The following GREB1L variants were observed in gnomAD, a reference collection of about 807,000 sequenced individuals.
The protein encoded by GREB1L is GREB1 like retinoic acid receptor coactivator, also known as GREB1-like protein.
A neutral mutation model predicts 200.8 loss-of-function variants in GREB1L; 17 were observed. That is an observed-to-expected ratio of 0.08 (90% CI 0.06 to 0.13). GREB1L has a LOEUF of 0.13. Among genes scored for constraint, GREB1L ranks in the 10% least tolerant of loss-of-function variants. GREB1L has a pLI of 1.00. For missense variants in GREB1L, 1,657 were observed against 2,367.7 expected, an observed-to-expected ratio of 0.70 and a Z score of 6.23; for synonymous variants, 789 against 893.0, an observed-to-expected ratio of 0.88 and a Z score of 2.08.
chr18:21,369,835 G>A (rs757314878), intron 2 of GREB1L, among the ~76,000 whole-genome samples: 123 of 151,666 alleles, frequency 8.1e-4, no homozygotes, highest in Non-Finnish European at 1.2e-3. Flanking sequence ...TGTAATCTCA[G>A]CTACTCAGGA....
At chr18:21,429,875 A>G (rs2033001852) in intron 7 of GREB1L, among the ~76,000 whole-genome samples, 1 of 152,110 alleles carries the variant, frequency 6.6e-6, no homozygotes, top group Non-Finnish European at 1.5e-5. Context: ...AATACCACAC[A>G]CTGGGTGGTT....
chr18:21,475,646 A>G (rs1442095858), intron 16 of GREB1L, among the ~76,000 whole-genome samples: 1 of 151,542 alleles, frequency 6.6e-6, no homozygotes, highest in Non-Finnish European at 1.5e-5. Context: ...GTGAGCCACC[A>G]TGCCTGGCCT....
At chr18:21,271,478 C>T (rs1355237307) in intron 1 of GREB1L, among the ~76,000 whole-genome samples, 1 of 150,668 alleles carries the variant, frequency 6.6e-6, no homozygotes, top group Non-Finnish European at 1.5e-5. Flanking sequence ...GAGACTCTGT[C>T]TCTATAAAAA....
chr18:21,487,141 GCATTCCTACCCAC>G (rs1316808506), intron 18 of GREB1L, among the ~76,000 whole-genome samples: 1 of 152,176 alleles, frequency 6.6e-6, no homozygotes, highest in African/African-American at 2.4e-5. Context: ...CCCCCTTTAA[GCATTCCTACCCAC>G]CTGTTACATC....
Position 21,508,392 on chromosome 18 carries a change from G to A in GREB1L, c.4536G>A (p.Leu1512=), listed in dbSNP as rs1212278540. The change falls in exon 27 of 33, where the codon TTG becomes TTA. Residue 1512 remains leucine, a synonymous_variant. Transcript: ENST00000424526. ...GTTTTTTTCCCTTTCAGCAGAATTT[G>A]AATGCAGTCAAGAGCCCTATTTTCA... The part of the protein sequence containing the change: ...MRLPLVSDKN[L]NAVKSPIFTP... The A allele has an allele frequency of 1.3e-6, 2 of 1,551,416 alleles. No individual in the cohort carries two copies. Among genetic ancestry groups the A allele is most frequent in the Non-Finnish European group, 1.7e-6 (2 of 1,146,886 alleles).
At chr18:21,471,935 C>T (rs909277000) in intron 15 of GREB1L, among the ~76,000 whole-genome samples, 3 of 152,218 alleles carry the variant, frequency 2.0e-5, no homozygotes, top group African/African-American at 7.2e-5. Flanking sequence ...TCCACTTTCA[C>T]AAAAAATCAC....
chr18:21,268,513 A>G (rs1304706115), intron 1 of GREB1L, among the ~76,000 whole-genome samples: 5 of 78,532 alleles, frequency 6.4e-5, no homozygotes, highest in South Asian at 4.1e-4. Context: ...ATATATATGT[A>G]TATATATATA....
chr18:21,514,175 C>G lies in GREB1L; in HGVS notation c.4901+189C>G, dbSNP rs375473754. Among the ~76,000 whole-genome samples, 20 of 152,246 alleles carry G rather than the reference C, an allele frequency of 1.3e-4. No individual in the cohort carries two copies. The East Asian group carries it at 2.9e-3, about 22-fold the overall frequency. ...ATCTTTTATTTAGACATTCAGTAGC[C>G]CATTAAATTCCTGGACCATTCTGGG... On this transcript the variant is annotated intron_variant, in intron 28 of 32. Coordinates refer to ENST00000424526, the MANE Select transcript of GREB1L (RefSeq NM_001142966.3).
intron 1 of GREB1L, among the ~76,000 whole-genome samples, chr18:21,320,368 A>G (rs536124874): frequency 6.6e-6 from 1 of 152,308 alleles, no homozygotes; most frequent in Non-Finnish European, 1.5e-5. Flanking sequence ...AATTACTGCT[A>G]AAAAACAAGA....
chr18:21,320,324 A>AAT (rs899924790), intron 1 of GREB1L, among the ~76,000 whole-genome samples: 4 of 152,148 alleles, frequency 2.6e-5, no homozygotes, highest in Non-Finnish European at 5.9e-5. Context: ...CATACACTAA[A>AAT]ATATATATAT....
chr18:21,363,661 G>A (rs868507340), intron 1 of GREB1L: 2 of 152,224 alleles, frequency 1.3e-5, no homozygotes, highest in South Asian at 4.1e-4. Flanking sequence ...GCTGGTTGAA[G>A]CAAATGGTGA....
At chr18:21,491,727 A>T (rs2036346153) in intron 19 of GREB1L, among the ~76,000 whole-genome samples, 1 of 151,288 alleles carries the variant, frequency 6.6e-6, no homozygotes, top group Admixed American at 6.6e-5. Context: ...AAAAAAAAAA[A>T]TTGTTCTGGA....
chr18:21,409,787 C>G (rs1040916035), intron 7 of GREB1L, among the ~76,000 whole-genome samples: 15 of 152,242 alleles, frequency 9.9e-5, no homozygotes, highest in African/African-American at 3.6e-4. Flanking sequence ...CCTTGGTTTC[C>G]TTTCCTCATT....
intron 7 of GREB1L, among the ~76,000 whole-genome samples, chr18:21,417,761 G>A (rs771401553): frequency 7.2e-5 from 11 of 151,976 alleles, no homozygotes; most frequent in Non-Finnish European, 8.8e-5. Flanking sequence ...GGGCCGAGGC[G>A]GGTGGATCAT....
intron 2 of GREB1L, among the ~76,000 whole-genome samples, chr18:21,373,244 C>A (rs988362956): frequency 6.6e-6 from 1 of 152,168 alleles, no homozygotes. Flanking sequence ...TATCAACCTT[C>A]TGTCTCATGG....
intron 1 of GREB1L, among the ~76,000 whole-genome samples, chr18:21,355,338 C>T (rs974410343): frequency 2.0e-5 from 3 of 152,026 alleles, no homozygotes; most frequent in African/African-American, 7.3e-5. Flanking sequence ...GGACTACAGG[C>T]ACACGCCTCC....
intron 1 of GREB1L, among the ~76,000 whole-genome samples, chr18:21,255,168 A>G (rs2037781717): frequency 6.6e-6 from 1 of 152,208 alleles, no homozygotes; most frequent in Admixed American, 6.5e-5. Flanking sequence ...ATAATTTAAT[A>G]TAAAACCTCT....
intron 27 of GREB1L, among the ~76,000 whole-genome samples, chr18:21,509,746 C>T (rs2037163798): frequency 6.6e-6 from 1 of 152,094 alleles, no homozygotes; most frequent in African/African-American, 2.4e-5. Context: ...TCTTCTGTGC[C>T]TGCCTGATCC....
chr18:21,439,817 T>TGG (rs1237305290), intron 8 of GREB1L, among the ~76,000 whole-genome samples, 180 bp downstream of exon 8: 1 of 152,240 alleles, frequency 6.6e-6, no homozygotes, highest in Non-Finnish European at 1.5e-5. Flanking sequence ...GGATTCTATG[T>TGG]GGATGACCTA....
Sources: allele counts gnomAD v4.1 joint callset (sites outside exome capture counted in the v4.1 genomes callset), GRCh38; gene constraint gnomAD v4.1.1; transcripts MANE v1.5; gene names NCBI Gene and HGNC (gene_info 2026-07-23, HGNC 2026-07-21).